Variants in APC2 observed in about 807,000 individuals in gnomAD.
APC2 encodes the protein APC regulator of Wnt signaling pathway 2.
A neutral mutation model predicts 72.5 loss-of-function variants in APC2; 41 were observed. The observed-to-expected ratio is 0.57, with a 90% CI of 0.44 to 0.73. The LOEUF (loss-of-function observed/expected upper bound fraction) is 0.73, where lower values mean the gene tolerates loss of function less well. Among genes scored for constraint, APC2 ranks in the 30% least tolerant of loss-of-function variants. The pLI is 0.00. For missense variants in APC2, 3,729 were observed against 3,403.4 expected (o/e 1.10, Z -2.38); for synonymous variants, 1,898 against 1,612.0 (o/e 1.18, Z -4.25).
Position 1,468,272 on chromosome 19 carries a change from G to A in APC2, c.4971G>A (p.Leu1657=). The change falls in exon 15 of 15, where the codon CTG becomes CTA. Residue 1657 remains leucine, a synonymous_variant. Transcript: ENST00000590469. ...LRRRKPRATR[L]DERPAEGSRE... is the part of the protein sequence containing the mutation. The stretch of plus-strand genomic sequence containing the variant: ...GCCGCAAGCCCCGAGCCACCCGGCT[G>A]GATGAGCGGCCCGCAGAGGGGTCCC... 1 of 1,531,558 alleles carries A rather than the reference G, an allele frequency of 6.5e-7. No individual in the cohort carries two copies. Among genetic ancestry groups the A allele is most frequent in the Non-Finnish European group, 8.8e-7 (1 of 1,141,076 alleles). The allele number at this position is 1,531,558 out of a possible 1,614,324, so 94.9% of individuals were successfully genotyped here.
intron 10 of APC2, among the ~76,000 whole-genome samples, 156 bp from the exon 11 acceptor site, chr19:1,460,025 C>T (rs565589175): frequency 5.1e-4 from 77 of 152,248 alleles, no homozygotes; most frequent in African/African-American, 1.3e-3. Context: ...GAGGCCATAC[C>T]GGCTCCTGGA....
At chr19:1,458,398 T>G in intron 10 of APC2, 1 of 303,802 alleles carries the variant, frequency 3.3e-6, no homozygotes, top group Admixed American at 4.7e-5. Context: ...GGGGGTGTTT[T>G]ACGTTTGAGG....
rs1272945663 is a variant in APC2 at position 1,466,489 on chromosome 19, G to A, written c.3188G>A (p.Gly1063Glu). ...CTGCAGAAACTGGCGGCGCAAGAGGGGCCACTCTCGCTGTCCCGATGCAGC... is the reference window on the plus strand; with the variant it reads ...CTGCAGAAACTGGCGGCGCAAGAGGAGCCACTCTCGCTGTCCCGATGCAGC... ...KALQKLAAQE[G>E]PLSLSRCSSL... is the part of the protein sequence containing the mutation. Residue 1063 changes from glycine (G) to glutamate (E), a missense_variant, in exon 15 of 15, where the codon GGG becomes GAG. Physicochemically the swap from Gly to Glu is moderately conservative, Grantham distance 98. Transcript: ENST00000590469. 1.3e-6 allele frequency: 2 copies of A among 1,597,598 alleles called. No individual in the cohort carries two copies. The highest frequency in any genetic ancestry group is 2.2e-5 in the East Asian group (1 of 44,856).
intron 1 of APC2, among the ~76,000 whole-genome samples, chr19:1,450,971 G>C (rs1296050868): frequency 6.6e-6 from 1 of 152,184 alleles, no homozygotes; most frequent in Non-Finnish European, 1.5e-5. Context: ...CGGTGTACAT[G>C]GAGGAGTCGG....
chr19:1,447,407 G>T (rs1012321220), upstream of APC2, among the ~76,000 whole-genome samples: 20 of 152,192 alleles, frequency 1.3e-4, no homozygotes, highest in African/African-American at 4.3e-4. Flanking sequence ...TCACAGGACA[G>T]GGGTGGGGGA....
chr19:1,452,547 G>A lies in APC2; in HGVS notation c.-18-437G>A, dbSNP rs527977693. 30 of 174,630 alleles carry A rather than the reference G, an allele frequency of 1.7e-4. No homozygotes were observed. Among genetic ancestry groups the A allele is most frequent in the South Asian group, 5.0e-4 (4 of 8,024 alleles). 10.8% of individuals were successfully genotyped at this position (174,630 alleles called of 1,614,324 possible). On this transcript the variant is annotated intron_variant, in intron 1 of 14. Transcript: ENST00000590469. The surrounding 1 kb of genome is among the most constrained non-coding windows in gnomAD (Gnocchi z 5.1). Reference sequence around the variant, plus strand: ...GCTTTTATGGGGGAGGGTCCTGTCTGTCTGTCTGTCGCCCTCTCTGGCTGT... The same window carrying A: ...GCTTTTATGGGGGAGGGTCCTGTCTATCTGTCTGTCGCCCTCTCTGGCTGT...
chr19:1,465,132 G>A (rs148897002), intron 14 of APC2, 23 bp from the exon 15 acceptor site: 2 of 1,582,256 alleles, frequency 1.3e-6, no homozygotes, highest in South Asian at 2.3e-5. Context: ...GGTGGCCCAG[G>A]CTAACCCGCC....
rs2084044692 is a variant in APC2, at chr19:1,467,710, G to A, written c.4409G>A (p.Gly1470Asp). 2.1e-6 allele frequency: 3 copies of A among 1,444,082 alleles called. No individual in the cohort carries two copies. The highest frequency in any genetic ancestry group is 2.4e-4 in the Middle Eastern group (1 of 4,242). 89.5% of individuals were successfully genotyped at this position (1,444,082 alleles called of 1,614,324 possible). The change falls in exon 15 of 15, where the codon GGC (glycine) becomes GAC (aspartate). Residue 1470 changes from glycine (G) to aspartate (D), a missense_variant. Transcript: ENST00000590469. Reference protein sequence around the residue: ...KNRAGLELPLGRPPSAPADKD... With the variant: ...KNRAGLELPLDRPPSAPADKD... ...AGAGCAGGGCTGGAGCTGCCCCTGG[G>A]CCGGCCCCCGAGCGCCCCCGCAGAC... is the stretch of plus-strand genomic sequence containing the variant.
In APC2 at chr19:1,461,992, C is replaced by T; in HGVS notation, c.1668C>T (p.Ala556=). Residue 556 remains alanine, a synonymous_variant, in exon 14 of 15, where the codon GCC becomes GCT. Transcript: ENST00000590469. ...KESTLKSVLS[A]LWNLSAHSTE... ...CCACCCTGAAGAGCGTGCTGAGCGC[C>T]CTGTGGAATCTGTCTGCACACAGCA... 1 of 1,613,016 alleles carries T rather than the reference C, an allele frequency of 6.2e-7. No individual in the cohort carries two copies. Among genetic ancestry groups the T allele is most frequent in the Non-Finnish European group, 8.5e-7 (1 of 1,179,918 alleles).
chr19:1,466,873 G>A lies in APC2; in HGVS notation c.3572G>A (p.Gly1191Asp). The A allele has an allele frequency of 6.4e-7, 1 of 1,565,650 alleles. No homozygotes were observed. Among genetic ancestry groups the A allele is most frequent in the African/African-American group, 1.4e-5 (1 of 74,036 alleles). ...GAACCTTGCAGCGGGCAGGGCAGCG[G>A]CACCATCAGCCCTAGCGAGCTGCCC... Reference protein sequence around the residue: ...PSEPCSGQGSGTISPSELPDS... With the variant: ...PSEPCSGQGSDTISPSELPDS... The change falls in exon 15 of 15, where the codon GGC (glycine) becomes GAC (aspartate). Residue 1191 changes from glycine (G) to aspartate (D), a missense_variant. Coordinates refer to ENST00000590469, the MANE Select transcript of APC2 (RefSeq NM_005883.3).
At position 1,469,951 on chromosome 19, in the gene APC2, C is replaced by G; in HGVS notation, c.6650C>G (p.Ala2217Gly). Residue 2217 changes from alanine to glycine, a missense_variant, in exon 15 of 15, where the codon GCC becomes GGC. Ala to Gly is a moderately conservative substitution (Grantham distance 60). Coordinates refer to ENST00000590469, the MANE Select transcript of APC2 (RefSeq NM_005883.3). ...PSLETREPPG[A>G]PAGGQLSLLG... ...CTGGAGACCAGGGAGCCCCCCGGGGCCCCCGCCGGCGGCCAGCTCTCCCTC... is the reference window on the plus strand; with the variant it reads ...CTGGAGACCAGGGAGCCCCCCGGGGGCCCCGCCGGCGGCCAGCTCTCCCTC... 1 of 1,511,528 alleles carries G rather than the reference C, an allele frequency of 6.6e-7. No homozygotes were observed. The highest frequency in any genetic ancestry group is 1.4e-5 in the African/African-American group (1 of 70,366). 93.6% of individuals were successfully genotyped at this position (1,511,528 alleles called of 1,614,324 possible). A position where few individuals can be genotyped will look rare whatever the true frequency, so the allele number is the denominator to read the frequency against.
chr19:1,466,205 CCTT>C lies in APC2; in HGVS notation c.2905_2907del (p.Leu969del), dbSNP rs765748273. The stretch of plus-strand genomic sequence containing the variant: ...GGCAGCCTCGGCCCAGCCGGCTTGA[CCTT>C]GACCTGCCCGGCTGCCAGGCCGAGC... On this transcript the variant is annotated inframe_deletion, in exon 15 of 15. Coordinates refer to ENST00000590469, the MANE Select transcript of APC2 (RefSeq NM_005883.3). 1.3e-5 allele frequency: 21 copies of C among 1,558,352 alleles called. 1 individual carries two copies. In the South Asian group the frequency reaches 2.4e-4, roughly 18 times the overall value.
In APC2 at chr19:1,468,689, C is replaced by A. The variant is rs1486695026; in HGVS notation, c.5388C>A (p.Val1796=). 8 of 1,555,076 alleles carry A rather than the reference C, an allele frequency of 5.1e-6. No individual in the cohort carries two copies. Among genetic ancestry groups the A allele is most frequent in the Non-Finnish European group, 6.1e-6 (7 of 1,145,104 alleles). ...TCCGGGGACGAACAGTGATCTACGTCCCCAGCCCGGCACCCCGTGCCCAGC... is the reference window on the plus strand; with the variant it reads ...TCCGGGGACGAACAGTGATCTACGTACCCAGCCCGGCACCCCGTGCCCAGC... ...AVLRGRTVIY[V]PSPAPRAQPK... Residue 1796 remains valine, a synonymous_variant, in exon 15 of 15, where the codon GTC becomes GTA. Coordinates refer to ENST00000590469, the MANE Select transcript of APC2 (RefSeq NM_005883.3).
In APC2 at chr19:1,470,761, T is replaced by C. The variant is rs758326003; in HGVS notation, c.*548T>C. The C allele has an allele frequency of 6.6e-6, 1 of 152,256 alleles. No individual in the cohort carries two copies. Among genetic ancestry groups the C allele is most frequent in the African/African-American group, 2.4e-5 (1 of 41,440 alleles). 9.4% of individuals were successfully genotyped at this position (152,256 alleles called of 1,614,324 possible). ...AATGAGGGCTTTGCAGGGATTGTTT[T>C]CATTCTCAGCCCCAGCTGTGGGAGT... On this transcript the variant is annotated 3_prime_UTR_variant, in exon 15 of 15. Transcript: ENST00000590469.
Position 1,466,235 on chromosome 19 carries a change from C to G in APC2, c.2934C>G (p.Pro978=). The G allele has an allele frequency of 6.5e-7, 1 of 1,537,574 alleles. No individual in the cohort carries two copies. The highest frequency in any genetic ancestry group is 8.7e-7 in the Non-Finnish European group (1 of 1,148,946). Reference sequence around the variant, plus strand: ...ACCTGCCCGGCTGCCAGGCCGAGCCCCCGGCCCGCGAGGCCACCTCCGCCG... The same window carrying G: ...ACCTGCCCGGCTGCCAGGCCGAGCCGCCGGCCCGCGAGGCCACCTCCGCCG... ...DLDLPGCQAE[P]PAREATSADA... Residue 978 remains proline (P), a synonymous_variant, in exon 15 of 15, where the codon CCC becomes CCG. Transcript: ENST00000590469.
rs2145261076 is a variant in APC2, at chr19:1,469,585, C to T, written c.6284C>T (p.Thr2095Ile). ...CGCGCGCCCGCCGCCCGGCCGGAGA[C>T]TGTCAAGCGCTACGCGTCGCTGCCG... Reference protein sequence around the residue: ...PVRAPAARPETVKRYASLPHI... With the variant: ...PVRAPAARPEIVKRYASLPHI... Residue 2095 changes from threonine to isoleucine, a missense_variant, in exon 15 of 15, where the codon ACT becomes ATT. By Grantham distance (89) the Thr-to-Ile change is moderately conservative (BLOSUM62 -1). Coordinates refer to ENST00000590469, the MANE Select transcript of APC2 (RefSeq NM_005883.3). 8.0e-7 allele frequency: 1 copy of T among 1,256,996 alleles called. No individual in the cohort carries two copies. Among genetic ancestry groups the T allele is most frequent in the South Asian group, 1.8e-5 (1 of 54,390 alleles). The allele number at this position is 1,256,996 out of a possible 1,614,324, so 77.9% of individuals were successfully genotyped here.
intron 14 of APC2, among the ~76,000 whole-genome samples, chr19:1,464,774 A>G (rs2083979740): frequency 6.6e-6 from 1 of 150,644 alleles, no homozygotes. Flanking sequence ...CTGGGATTAC[A>G]GGTGCTCGCC....
rs770840559 is a variant in APC2 at position 1,457,022 on chromosome 19, G to C, written c.986G>C (p.Gly329Ala). 3 of 1,528,198 alleles carry C rather than the reference G, an allele frequency of 2.0e-6. No individual in the cohort carries two copies. Among genetic ancestry groups the C allele is most frequent in the Admixed American group, 2.0e-5 (1 of 49,398 alleles). The allele number at this position is 1,528,198 out of a possible 1,614,324, so 94.7% of individuals were successfully genotyped here. A position where few individuals can be genotyped will look rare whatever the true frequency, so the allele number is the denominator to read the frequency against. The change falls in exon 9 of 15, where the codon GGG becomes GCG. Residue 329 changes from glycine (G) to alanine (A), a missense_variant. By Grantham distance (60) the Gly-to-Ala change is moderately conservative (BLOSUM62 0). Coordinates refer to ENST00000590469, the MANE Select transcript of APC2 (RefSeq NM_005883.3). ...CTCCACGGCACCGAGGCCGCGGCCG[G>C]GGGTCGCGCCGGGGCCCCAGGGGCA... The part of the protein sequence containing the change: ...QILHGTEAAA[G>A]GRAGAPGAPG...
chr19:1,456,830 C>A (rs544738273), intron 8 of APC2, 23 bp from the exon 9 acceptor site: 1 of 1,586,820 alleles, frequency 6.3e-7, no homozygotes, highest in Non-Finnish European at 8.5e-7. Flanking sequence ...AGGGACCCCA[C>A]CCTGACCCTG....
Sources: allele counts gnomAD v4.1 joint callset (sites outside exome capture counted in the v4.1 genomes callset), GRCh38; gene constraint gnomAD v4.1.1; non-coding constraint Gnocchi (gnomAD v3.1); transcripts MANE v1.5; gene names NCBI Gene and HGNC (gene_info 2026-07-23, HGNC 2026-07-21).